ERCC6: variants seen among roughly 807,000 people sequenced by gnomAD.
ERCC6 encodes ERCC excision repair 6, chromatin remodeling factor, also known as DNA excision repair protein ERCC-6.
A neutral mutation model predicts 158.7 loss-of-function variants in ERCC6; 116 were observed. That is an observed-to-expected ratio of 0.73 (90% CI 0.63 to 0.85). ERCC6 has a LOEUF of 0.85. Among genes scored for constraint, ERCC6 ranks in the 40% least tolerant of loss-of-function variants. The pLI, the probability that ERCC6 is intolerant of heterozygous loss-of-function variation, is 0.00. For synonymous variants in ERCC6, 678 were observed against 659.3 expected (o/e 1.03, Z -0.43); for missense variants, 1,698 against 1,799.4 (o/e 0.94, Z 1.02).
At chr10:49,449,560 C>CTTTTTTTTTTTTTT (rs71026248), downstream of ERCC6, among the ~76,000 whole-genome samples, 3 of 68,024 alleles carry the variant, frequency 4.4e-5, no homozygotes, top group African/African-American at 1.9e-4. Flanking sequence ...ATAGTTAGGT[C>CTTTTTTTTTTTTTT]TTTTTTTTTT....
chr10:49,515,345 A>T (rs1196880173), intron 5 of ERCC6: 1 of 1,609,792 alleles, frequency 6.2e-7, no homozygotes. Flanking sequence ...ATTCAGTGTG[A>T]TATTCAACGG....
At chr10:49,525,067 TAC>T (rs1419959245) in intron 4 of ERCC6, 3 of 536,210 alleles carry the variant, frequency 5.6e-6, no homozygotes, top group African/African-American at 1.9e-5. Context: ...ACTGTATAAA[TAC>T]AGTTATAAAT....
At chr10:49,467,075 A>G (rs943222679) in intron 18 of ERCC6, among the ~76,000 whole-genome samples, 9 of 152,110 alleles carry the variant, frequency 5.9e-5, no homozygotes, top group African/African-American at 1.9e-4. Flanking sequence ...GCCAAGCCCC[A>G]CCTGTCGACT....
Position 49,470,974 on chromosome 10 carries a change from C to A in ERCC6, c.3070+1G>T. 1 of 1,613,862 alleles carries A rather than the reference C, an allele frequency of 6.2e-7. No homozygotes were observed. Among genetic ancestry groups the A allele is most frequent in the South Asian group, 1.1e-5 (1 of 91,074 alleles). ...TTAAATTAAATGATTTTATGTAATA[C>A]CTGCAAAAATTGCACTTGTTTCAGT... On this transcript the variant is annotated splice_donor_variant, in intron 17 of 20. Coordinates refer to ENST00000355832, the MANE Select transcript of ERCC6 (RefSeq NM_000124.4). LOFTEE classifies it high-confidence loss of function.
chr10:49,522,214 G>C (rs1196377656), intron 5 of ERCC6, among the ~76,000 whole-genome samples: 1 of 152,180 alleles, frequency 6.6e-6, no homozygotes, highest in Non-Finnish European at 1.5e-5. Flanking sequence ...CAAGGGAATA[G>C]CATTACCATT....
chr10:49,492,066 G>A (rs1851181960), intron 8 of ERCC6, among the ~76,000 whole-genome samples: 1 of 152,172 alleles, frequency 6.6e-6, no homozygotes, highest in African/African-American at 2.4e-5. Context: ...TTAAAATTCT[G>A]GGCAAAGTCA....
intron 2 of ERCC6, among the ~76,000 whole-genome samples, chr10:49,531,264 T>C (rs149844461): frequency 3.5e-4 from 54 of 152,340 alleles, no homozygotes; most frequent in Middle Eastern, 6.8e-3. Flanking sequence ...CATTTTTTTA[T>C]ATAAATCACA....
At position 49,459,252 on chromosome 10, in the gene ERCC6, C is replaced by CTA. The variant is rs1850535109; in HGVS notation, c.4063-20_4063-19dup. ...ATGCCATCCTATAAAAAGAAGACCA[C>CTA]TATACTGATATATTTAATTTCTAGT... is the stretch of plus-strand genomic sequence containing the variant. On this transcript the variant is annotated intron_variant, in intron 20 of 20. Coordinates refer to ENST00000355832, the MANE Select transcript of ERCC6 (RefSeq NM_000124.4). 6.2e-7 allele frequency: 1 copy of CTA among 1,612,670 alleles called. No homozygotes were observed. Among genetic ancestry groups the CTA allele is most frequent in the African/African-American group, 1.3e-5 (1 of 75,012 alleles).
chr10:49,511,697 T>C (rs540003523), intron 5 of ERCC6, among the ~76,000 whole-genome samples: 1 of 152,274 alleles, frequency 6.6e-6, no homozygotes, highest in South Asian at 2.1e-4. Flanking sequence ...AGTGCTAGGA[T>C]TGCAGGCGTG....
intron 5 of ERCC6, among the ~76,000 whole-genome samples, chr10:49,507,797 A>G (rs12411454): frequency 6.6e-6 from 1 of 152,128 alleles, no homozygotes; most frequent in Admixed American, 6.6e-5. Context: ...AACATCCTAC[A>G]CCACACAGGA....
chr10:49,513,956 T>C (rs980426916), intron 5 of ERCC6, among the ~76,000 whole-genome samples: 1 of 152,048 alleles, frequency 6.6e-6, no homozygotes, highest in African/African-American at 2.4e-5. Context: ...ATAATCAAGT[T>C]CCAGAGTCTA....
intron 2 of ERCC6, among the ~76,000 whole-genome samples, chr10:49,531,870 G>A (rs4253016): frequency 0.072 from 11,010 of 152,096 alleles, 583 homozygotes; most frequent in Non-Finnish European, 0.1. Context: ...ACTGCCCAAC[G>A]GGGGCCAAGC....
chr10:49,478,959 A>G (rs1590413814), intron 10 of ERCC6, among the ~76,000 whole-genome samples: 2 of 152,218 alleles, frequency 1.3e-5, no homozygotes, highest in Admixed American at 1.3e-4. Context: ...CAGCCAGCCA[A>G]TAAGCAGAGA....
Position 49,532,828 on chromosome 10 carries a change from G to A in ERCC6, c.137C>T (p.Ser46Phe), listed in dbSNP as rs570753448. ...GGDGEVEEYLSFRSVGDGLST... is the reference protein window; with the variant it reads ...GGDGEVEEYLFFRSVGDGLST... The stretch of plus-strand genomic sequence containing the variant: ...CAGCCCGTCACCCACAGAACGAAAG[G>A]AGAGGTACTCCTCCACCTCCCCATC... The change falls in exon 2 of 21, where the codon TCC becomes TTC. Residue 46 changes from serine to phenylalanine, a missense_variant. Physicochemically the swap from Ser to Phe is radical, Grantham distance 155. Transcript: ENST00000355832. The A allele has an allele frequency of 1.8e-5, 29 of 1,614,166 alleles. No homozygotes were observed. In the African/African-American group the frequency reaches 2.5e-4, roughly 14 times the overall value.
chr10:49,529,644 T>C (rs1054571572), intron 3 of ERCC6, among the ~76,000 whole-genome samples: 1 of 151,956 alleles, frequency 6.6e-6, no homozygotes, highest in Non-Finnish European at 1.5e-5. Flanking sequence ...GAGTGGAAAG[T>C]ATAATAAAAG....
At chr10:49,507,436 G>T (rs111442415) in intron 5 of ERCC6, among the ~76,000 whole-genome samples, 40 of 152,242 alleles carry the variant, frequency 2.6e-4, no homozygotes, top group African/African-American at 9.1e-4. Flanking sequence ...AGTTTAATAA[G>T]TGATACTTTT....
rs113730266 is a variant in ERCC6, at chr10:49,472,864, A to G, written c.2829+45T>C. The G allele has an allele frequency of 1.2e-4, 189 of 1,600,252 alleles. 1 individual carries two copies. The African/African-American group carries it at 1.9e-3, about 16-fold the overall frequency. ...AGTCAAAAGCGCTAACCATGAAACT[A>G]TATTTCTACTAATACATTCTTTTAA... On this transcript the variant is annotated intron_variant, in intron 15 of 20. Coordinates refer to ENST00000355832, the MANE Select transcript of ERCC6 (RefSeq NM_000124.4).
rs551398949 is a variant in ERCC6 at position 49,488,635 on chromosome 10, C to T, written c.1821+4482G>A. ...TTCAGATGCTTAAGGAATAATGTGG[C>T]CTCTTTCTTTTTTTTTTTTTTTTAA... On this transcript the variant is annotated intron_variant, in intron 8 of 20. Transcript: ENST00000355832. Among the ~76,000 whole-genome samples, 273 of 147,486 alleles carry T rather than the reference C, an allele frequency of 1.9e-3. 2 individuals are homozygous for T. Among genetic ancestry groups the T allele is most frequent in the Non-Finnish European group, 2.9e-3 (190 of 66,584 alleles).
chr10:49,528,177 T>C (rs930395953), intron 4 of ERCC6, among the ~76,000 whole-genome samples: 1 of 152,230 alleles, frequency 6.6e-6, no homozygotes, highest in Non-Finnish European at 1.5e-5. Context: ...TTAAATGTAA[T>C]AATAAATGTG....
Sources: allele counts gnomAD v4.1 joint callset (sites outside exome capture counted in the v4.1 genomes callset), GRCh38; gene constraint gnomAD v4.1.1; transcripts MANE v1.5; gene names NCBI Gene and HGNC (gene_info 2026-07-23, HGNC 2026-07-21).